The following CORO1C variants were observed in gnomAD, a reference collection of about 807,000 sequenced individuals.
CORO1C encodes the protein coronin-1C.
A neutral mutation model predicts 51.2 loss-of-function variants in CORO1C; 14 were observed. That is an observed-to-expected ratio of 0.27 (90% CI 0.18 to 0.43). CORO1C has a LOEUF of 0.43. Among genes scored for constraint, CORO1C ranks in the 20% least tolerant of loss-of-function variants. The pLI is 1.00. For missense variants in CORO1C, 417 were observed against 607.8 expected (o/e 0.69, Z 3.30); for synonymous variants, 181 against 210.5 (o/e 0.86, Z 1.21).
chr12:108,646,458 C>G lies in CORO1C; in HGVS notation c.*945G>C, dbSNP rs1168529407. On this transcript the variant is annotated 3_prime_UTR_variant, in exon 11 of 11. Coordinates refer to ENST00000261401, the MANE Select transcript of CORO1C (RefSeq NM_014325.4). Reference sequence around the variant, plus strand: ...AGGAACACTCAGCAGTACACGTCTTCCTGTCCTGGGCACCCTTGTCAAGTA... The same window carrying G: ...AGGAACACTCAGCAGTACACGTCTTGCTGTCCTGGGCACCCTTGTCAAGTA... 8 of 152,374 alleles carry G rather than the reference C, an allele frequency of 5.3e-5. No homozygotes were observed. Among genetic ancestry groups the G allele is most frequent in the African/African-American group, 1.9e-4 (8 of 41,564 alleles). 9.4% of individuals were successfully genotyped at this position (152,374 alleles called of 1,614,324 possible). A position where few individuals can be genotyped will look rare whatever the true frequency, so the allele number is the denominator to read the frequency against.
At chr12:108,714,676 T>C (rs930038711) in intron 1 of CORO1C, among the ~76,000 whole-genome samples, 3 of 151,724 alleles carry the variant, frequency 2.0e-5, no homozygotes, top group East Asian at 1.9e-4. Flanking sequence ...GGCAGGAGGA[T>C]TGCTTGAGCC....
chr12:108,665,392 C>T (rs2033435584), intron 3 of CORO1C, among the ~76,000 whole-genome samples: 1 of 152,162 alleles, frequency 6.6e-6, no homozygotes, highest in Non-Finnish European at 1.5e-5. Context: ...CCTTGGTTAA[C>T]TCTTTCTTGT....
intron 2 of CORO1C, among the ~76,000 whole-genome samples, chr12:108,695,890 AT>A (rs1344710250): frequency 6.7e-6 from 1 of 149,916 alleles, no homozygotes; most frequent in African/African-American, 2.5e-5. Context: ...CTTTCAAATG[AT>A]TTTCTGTAGA....
chr12:108,723,038 A>G (rs2035509339), intron 1 of CORO1C, among the ~76,000 whole-genome samples: 2 of 152,212 alleles, frequency 1.3e-5, no homozygotes, highest in Admixed American at 1.3e-4. Flanking sequence ...ATCTTATTAA[A>G]TATCACCCCC....
intron 1 of CORO1C, among the ~76,000 whole-genome samples, chr12:108,720,615 C>T (rs1420078415): frequency 2.6e-5 from 4 of 151,974 alleles, no homozygotes; most frequent in South Asian, 2.1e-4. Context: ...GCTCTGTCTC[C>T]GAGTTCATGC....
chr12:108,661,573 C>T (rs1224830229), intron 4 of CORO1C, among the ~76,000 whole-genome samples: 2 of 151,872 alleles, frequency 1.3e-5, no homozygotes, highest in Admixed American at 1.3e-4. Context: ...CTACAGTATA[C>T]ATGTACTAAT....
At chr12:108,650,180 CTTTT>C (rs1057367204) in intron 8 of CORO1C, among the ~76,000 whole-genome samples, 40 of 80,442 alleles carry the variant, frequency 5.0e-4, no homozygotes, top group East Asian at 2.5e-3. Context: ...AACCAAAAAC[CTTTT>C]TTTTTTTTTT....
chr12:108,661,971 C>G (rs892455054), intron 4 of CORO1C, 58 bp downstream of exon 4: 32 of 1,602,864 alleles, frequency 2.0e-5, no homozygotes, highest in Non-Finnish European at 2.4e-5. Context: ...TGCTTCCCCC[C>G]ACTCAGAGAG....
At chr12:108,688,370 TA>T (rs761330254) in intron 2 of CORO1C, among the ~76,000 whole-genome samples, 18 of 152,188 alleles carry the variant, frequency 1.2e-4, no homozygotes, top group Non-Finnish European at 2.4e-4. Flanking sequence ...CACGTCTCAA[TA>T]AAGTTCTGTG....
intron 1 of CORO1C, among the ~76,000 whole-genome samples, chr12:108,716,400 C>T (rs1391040834): frequency 6.6e-6 from 1 of 152,134 alleles, no homozygotes; most frequent in Non-Finnish European, 1.5e-5. Flanking sequence ...TTAATAACTT[C>T]ATAAGGCTAG....
chr12:108,700,815 AT>A, intron 2 of CORO1C: 2 of 244,666 alleles, frequency 8.2e-6, no homozygotes, highest in Non-Finnish European at 1.6e-5. Flanking sequence ...TAAAAGAAAA[AT>A]TTTTGTGAAA....
rs1334484414 is a variant in CORO1C, at chr12:108,699,299, A to G, written c.195+1825T>C. 4.6e-5 allele frequency among the ~76,000 whole-genome samples: 7 copies of G among 152,246 alleles called. No individual in the cohort carries two copies. The East Asian group carries it at 1.3e-3, about 29-fold the overall frequency. On this transcript the variant is annotated intron_variant, in intron 2 of 10. Transcript: ENST00000261401. ...TGGGATAAGTGAAACTCAGTTTCTC[A>G]TGGTCTGTAAAAGCAAAGATGAACT... is the stretch of plus-strand genomic sequence containing the variant.
chr12:108,714,397 C>CAA lies in CORO1C; in HGVS notation c.-5-13076_-5-13075dup, dbSNP rs34182326. Among the ~76,000 whole-genome samples the CAA allele has an allele frequency of 6.5e-3, 614 of 94,776 alleles. 5 individuals are homozygous for CAA. The highest frequency in any genetic ancestry group is 0.018 in the Middle Eastern group (3 of 166). 62.2% of individuals were successfully genotyped at this position (94,776 alleles called of 152,430 possible). ...CTGGCAACAGAGCGAGAGTCAGTCTCAAAAAAAAAAAAAAAAAAGAGGAAC... is the reference window on the plus strand; with the variant it reads ...CTGGCAACAGAGCGAGAGTCAGTCTCAAAAAAAAAAAAAAAAAAAAGAGGAAC... On this transcript the variant is annotated intron_variant, in intron 1 of 10. Transcript: ENST00000261401.
intron 3 of CORO1C, among the ~76,000 whole-genome samples, chr12:108,668,840 T>C (rs1246637419): frequency 2.1e-4 from 32 of 152,238 alleles, no homozygotes; most frequent in Non-Finnish European, 1.5e-5. Context: ...TTGACTGCTC[T>C]TTGTATTATT....
At chr12:108,697,139 G>A (rs1310347377) in intron 2 of CORO1C, among the ~76,000 whole-genome samples, 1 of 152,148 alleles carries the variant, frequency 6.6e-6, no homozygotes, top group East Asian at 1.9e-4. Flanking sequence ...GCAATAAGAA[G>A]CCTTATTTAC....
At chr12:108,713,733 G>C (rs1044105421) in intron 1 of CORO1C, among the ~76,000 whole-genome samples, 12 of 152,186 alleles carry the variant, frequency 7.9e-5, no homozygotes, top group Admixed American at 3.3e-4. Flanking sequence ...GTACGGAGCA[G>C]TTCCAACTTT....
chr12:108,661,532 A>AT lies in CORO1C; in HGVS notation c.448+496dup, dbSNP rs541184165. ...TCTCTGAGTGGTGGGATTAAAAGTG[A>AT]TTTTTTTTTCCTTTTGTTTATATAT... On this transcript the variant is annotated intron_variant, in intron 4 of 10. Transcript: ENST00000261401. Among the ~76,000 whole-genome samples the AT allele has an allele frequency of 6.7e-4, 102 of 151,602 alleles. 1 individual carries two copies. The highest frequency in any genetic ancestry group is 6.8e-3 in the Middle Eastern group (2 of 294).
intron 3 of CORO1C, among the ~76,000 whole-genome samples, chr12:108,667,059 C>T (rs1229524280): frequency 5.3e-5 from 8 of 150,828 alleles, no homozygotes; most frequent in African/African-American, 2.0e-4. Context: ...CACATAAAGG[C>T]TTAGAATAGC....
chr12:108,656,477 G>T (rs895680223), intron 6 of CORO1C, among the ~76,000 whole-genome samples: 1 of 150,832 alleles, frequency 6.6e-6, no homozygotes, highest in Non-Finnish European at 1.5e-5. Context: ...GAGGTGGGGG[G>T]CGCCTCTGCC....
Sources: gnomAD v4.1 joint callset for allele counts (sites outside exome capture counted in the v4.1 genomes callset) on GRCh38, gnomAD v4.1.1 for gene constraint, MANE v1.5 for transcripts, NCBI Gene and HGNC (gene_info 2026-07-23, HGNC 2026-07-21) for gene names.